Variants in KHDRBS2 observed in about 807,000 individuals in gnomAD.
The protein encoded by KHDRBS2 is KH RNA binding domain containing, signal transduction associated 2.
Under a neutral mutation model 44.3 loss-of-function variants are expected in KHDRBS2, and 26 were observed. The ratio of observed to expected loss-of-function variants is 0.59; its 90% CI spans 0.43 to 0.81. KHDRBS2 has a LOEUF of 0.81. KHDRBS2 is among the 40% of genes least tolerant of loss of function. The probability of loss-of-function intolerance (pLI) is 0.00; values close to 1 mark genes in which losing one functional copy is unlikely to be tolerated. For synonymous variants in KHDRBS2, 194 were observed against 151.1 expected (o/e 1.28, Z -2.08); for missense variants, 476 against 433.1 (o/e 1.10, Z -0.88).
intron 2 of KHDRBS2, among the ~76,000 whole-genome samples, chr6:62,069,684 G>A (rs1215004276): frequency 1.3e-5 from 2 of 151,704 alleles, no homozygotes; most frequent in African/African-American, 4.8e-5. Flanking sequence ...ATGTAAAATG[G>A]ATGCCTTCAA....
At chr6:61,673,337 A>G in the KHDRBS2 span, among the ~76,000 whole-genome samples, 9 of 151,966 alleles carry the variant, frequency 5.9e-5, no homozygotes, top group African/African-American at 1.4e-4. Context: ...GACAAAAACT[A>G]GAAGCATTCC....
the KHDRBS2 span, among the ~76,000 whole-genome samples, chr6:61,612,437 C>T: frequency 1.3e-5 from 2 of 152,240 alleles, no homozygotes; most frequent in Middle Eastern, 3.4e-3. Context: ...CTCAATATTG[C>T]TATCTATGTG....
At chr6:61,644,829 A>G in the KHDRBS2 span, among the ~76,000 whole-genome samples, 2 of 152,130 alleles carry the variant, frequency 1.3e-5, no homozygotes, top group Non-Finnish European at 2.9e-5. Flanking sequence ...AAGGTTGTGG[A>G]GAAAAGGGAA....
chr6:61,643,533 A>G, the KHDRBS2 span, among the ~76,000 whole-genome samples: 9 of 152,162 alleles, frequency 5.9e-5, no homozygotes, highest in Non-Finnish European at 1.2e-4. Flanking sequence ...TTGTTTGCAG[A>G]CAACATAATT....
At chr6:61,842,806 T>C (rs1188609335) in intron 6 of KHDRBS2, among the ~76,000 whole-genome samples, 1 of 152,040 alleles carries the variant, frequency 6.6e-6, no homozygotes, top group African/African-American at 2.4e-5. Context: ...AGCCAAAAAG[T>C]GAAAATAACC....
At chr6:61,954,798 GTA>G (rs1583732176) in intron 4 of KHDRBS2, among the ~76,000 whole-genome samples, 3 of 73,336 alleles carry the variant, frequency 4.1e-5, no homozygotes, top group South Asian at 8.3e-4. Flanking sequence ...ACATGCATAT[GTA>G]TGTATACATA....
At chr6:61,731,000 A>G (rs1273183775) in intron 7 of KHDRBS2, among the ~76,000 whole-genome samples, 1 of 152,054 alleles carries the variant, frequency 6.6e-6, no homozygotes, top group Non-Finnish European at 1.5e-5. Flanking sequence ...AATTTCTTCT[A>G]TTTAATTGTA....
chr6:61,785,407 G>T (rs113939156), intron 6 of KHDRBS2, among the ~76,000 whole-genome samples: 1 of 151,898 alleles, frequency 6.6e-6, no homozygotes, highest in South Asian at 2.1e-4. Flanking sequence ...AGAGTAATTG[G>T]ACAACAGTTA....
chr6:62,159,439 C>A (rs1255864583), intron 2 of KHDRBS2, among the ~76,000 whole-genome samples: 1 of 152,094 alleles, frequency 6.6e-6, no homozygotes, highest in South Asian at 2.1e-4. Flanking sequence ...GCAACTGTGA[C>A]AGGTCCCTGG....
At chr6:61,815,972 G>T (rs537124828) in intron 6 of KHDRBS2, among the ~76,000 whole-genome samples, 1 of 152,202 alleles carries the variant, frequency 6.6e-6, no homozygotes, top group East Asian at 1.9e-4. Flanking sequence ...CAACCATGCT[G>T]CTTAGCTTAA....
intron 2 of KHDRBS2, among the ~76,000 whole-genome samples, chr6:62,062,241 T>C (rs1792134992): frequency 6.7e-6 from 1 of 148,560 alleles, no homozygotes; most frequent in South Asian, 2.2e-4. Context: ...TCAGCAAGGA[T>C]ACCCAGGAAT....
chr6:61,647,993 T>C, the KHDRBS2 span, among the ~76,000 whole-genome samples: 20 of 152,008 alleles, frequency 1.3e-4, no homozygotes, highest in African/African-American at 4.1e-4. Flanking sequence ...CCAACCTTGC[T>C]CCCTTAAATA....
intron 2 of KHDRBS2, among the ~76,000 whole-genome samples, chr6:62,104,231 T>A (rs1802591511): frequency 6.6e-6 from 1 of 152,232 alleles, no homozygotes; most frequent in Non-Finnish European, 1.5e-5. Flanking sequence ...CATATACACA[T>A]TCTCTCCAGT....
chr6:62,178,002 G>C (rs1048726837), intron 1 of KHDRBS2, among the ~76,000 whole-genome samples: 16 of 151,318 alleles, frequency 1.1e-4, no homozygotes, highest in African/African-American at 3.6e-4. Flanking sequence ...ATCTCTACTA[G>C]GTACCAGAAA....
chr6:61,858,347 T>G (rs2127292958), intron 6 of KHDRBS2, among the ~76,000 whole-genome samples: 1 of 152,036 alleles, frequency 6.6e-6, no homozygotes, highest in African/African-American at 2.4e-5. Flanking sequence ...ATATGTAACC[T>G]TATTACTCCA....
the KHDRBS2 span, among the ~76,000 whole-genome samples, chr6:61,566,828 C>T: frequency 1.3e-5 from 2 of 152,080 alleles, no homozygotes; most frequent in African/African-American, 4.8e-5. Context: ...TTAGAGTATG[C>T]ATCAAAGATG....
intron 6 of KHDRBS2, among the ~76,000 whole-genome samples, chr6:61,745,600 G>C (rs1324098519): frequency 6.6e-6 from 1 of 152,116 alleles, no homozygotes; most frequent in Non-Finnish European, 1.5e-5. Context: ...AGATAAAATT[G>C]TTAATGCTGT....
At chr6:62,046,563 T>C (rs1309179416) in intron 3 of KHDRBS2, among the ~76,000 whole-genome samples, 6 of 151,930 alleles carry the variant, frequency 3.9e-5, no homozygotes, top group African/African-American at 1.4e-4. Flanking sequence ...CAGTATGAAG[T>C]ATTTGGGAAA....
chr6:61,554,812 CT>C, the KHDRBS2 span, among the ~76,000 whole-genome samples: 1 of 152,178 alleles, frequency 6.6e-6, no homozygotes, highest in East Asian at 1.9e-4. Flanking sequence ...AAATTCTTCT[CT>C]TTAAGAATGC....
Sources: gnomAD v4.1 joint callset for allele counts (sites outside exome capture counted in the v4.1 genomes callset) on GRCh38, gnomAD v4.1.1 for gene constraint, MANE v1.5 for transcripts, NCBI Gene and HGNC (gene_info 2026-07-23, HGNC 2026-07-21) for gene names.